The following ZCWPW2 variants were observed in gnomAD, a reference collection of about 807,000 sequenced individuals.
ZCWPW2 encodes zinc finger CW-type PWWP domain protein 2.
In ZCWPW2, 45 loss-of-function variants were observed where a neutral mutation model predicts 46.6. That is an observed-to-expected ratio of 0.96 (90% CI 0.76 to 1.24). The LOEUF (loss-of-function observed/expected upper bound fraction) is 1.24. Among genes scored for constraint, ZCWPW2 ranks in the 50% most tolerant of loss-of-function variants. The pLI is 0.00. For missense variants in ZCWPW2, 429 were observed against 403.9 expected, an observed-to-expected ratio of 1.06 and a Z score of -0.53; for synonymous variants, 152 against 137.1, an observed-to-expected ratio of 1.11 and a Z score of -0.76.
At chr3:28,463,722 T>C (rs1237789791) in intron 4 of ZCWPW2, among the ~76,000 whole-genome samples, 1 of 152,004 alleles carries the variant, frequency 6.6e-6, no homozygotes. Flanking sequence ...ATGCTTGTAG[T>C]CCTAGTTACT....
chr3:28,401,359 T>A (rs2125728411), intron 2 of ZCWPW2, among the ~76,000 whole-genome samples: 1 of 152,244 alleles, frequency 6.6e-6, no homozygotes, highest in Middle Eastern at 3.4e-3. Context: ...CAGCCAACTA[T>A]CTGCTGACTT....
intron 1 of ZCWPW2, among the ~76,000 whole-genome samples, chr3:28,353,141 A>C (rs1205100665): frequency 6.6e-6 from 1 of 151,868 alleles, no homozygotes; most frequent in Non-Finnish European, 1.5e-5. Flanking sequence ...CTGAGATTGC[A>C]CCACTGCACT....
intron 1 of ZCWPW2, among the ~76,000 whole-genome samples, chr3:28,358,322 C>G (rs1341128857): frequency 6.6e-6 from 1 of 152,086 alleles, no homozygotes; most frequent in African/African-American, 2.4e-5. Flanking sequence ...TCCACCAGCT[C>G]TTATAAATAC....
chr3:28,495,100 A>T (rs1028934254), intron 6 of ZCWPW2, among the ~76,000 whole-genome samples: 3 of 151,784 alleles, frequency 2.0e-5, no homozygotes, highest in Non-Finnish European at 1.5e-5. Context: ...TATGGAACCA[A>T]AAAAGAGCCC....
At chr3:28,352,167 C>CACACACGA (rs143184926) in intron 1 of ZCWPW2, among the ~76,000 whole-genome samples, 34 of 147,714 alleles carry the variant, frequency 2.3e-4, no homozygotes, top group African/African-American at 3.3e-4. Context: ...CACACACACA[C>CACACACGA]GAGAGAGAAT....
At chr3:28,395,813 T>C (rs898967454) in intron 2 of ZCWPW2, among the ~76,000 whole-genome samples, 6 of 152,128 alleles carry the variant, frequency 3.9e-5, no homozygotes, top group Non-Finnish European at 8.8e-5. Context: ...CCTTAAGTTA[T>C]AGAGACCTAA....
intron 5 of ZCWPW2, among the ~76,000 whole-genome samples, chr3:28,489,348 A>G (rs1460307275): frequency 6.6e-6 from 1 of 152,046 alleles, no homozygotes; most frequent in East Asian, 1.9e-4. Context: ...TTTTAAAGAT[A>G]CAACAAAACT....
At chr3:28,349,786 A>G (rs1268382600) in intron 1 of ZCWPW2, among the ~76,000 whole-genome samples, 2 of 152,222 alleles carry the variant, frequency 1.3e-5, no homozygotes, top group African/African-American at 4.8e-5. Flanking sequence ...CCGATTAGCA[A>G]TACGGACATT....
intron 1 of ZCWPW2, among the ~76,000 whole-genome samples, chr3:28,373,112 A>C (rs537524918): frequency 1.3e-5 from 2 of 152,324 alleles, no homozygotes; most frequent in African/African-American, 2.4e-5. Flanking sequence ...ATAGTGCTAC[A>C]ATAAACAGGA....
intron 9 of ZCWPW2, among the ~76,000 whole-genome samples, chr3:28,521,611 T>C (rs764701391): frequency 6.6e-6 from 1 of 152,256 alleles, no homozygotes; most frequent in Admixed American, 6.5e-5. Flanking sequence ...CCTCCTTTTT[T>C]AATTTTTTCA....
At chr3:28,472,114 T>C (rs1559518655) in intron 4 of ZCWPW2, among the ~76,000 whole-genome samples, 1 of 152,120 alleles carries the variant, frequency 6.6e-6, no homozygotes, top group Non-Finnish European at 1.5e-5. Flanking sequence ...GTTTATGGAT[T>C]GTAAGAATCA....
rs898124301 is a variant in ZCWPW2 at position 28,391,379 on chromosome 3, GCA to G, written c.-14+781_-14+782del. 4.1e-4 allele frequency among the ~76,000 whole-genome samples: 36 copies of G among 88,586 alleles called. 1 individual carries two copies. The highest frequency in any genetic ancestry group is 1.6e-3 in the Admixed American group (14 of 8,760). 58.1% of individuals were successfully genotyped at this position (88,586 alleles called of 152,430 possible). On this transcript the variant is annotated intron_variant, in intron 2 of 9. Transcript: ENST00000383768. ...CACACACACACACACACACACACAT[GCA>G]CACACACACACACACACAAAGCCAA...
At chr3:28,416,951 C>T (rs567925423) in intron 3 of ZCWPW2, among the ~76,000 whole-genome samples, 281 of 147,896 alleles carry the variant, frequency 1.9e-3, no homozygotes, top group African/African-American at 6.6e-3. Context: ...CATCGATGTT[C>T]ATCAAGGATA....
intron 3 of ZCWPW2, among the ~76,000 whole-genome samples, chr3:28,433,920 T>G (rs1363818913): frequency 6.6e-6 from 1 of 150,900 alleles, no homozygotes; most frequent in African/African-American, 2.4e-5. Context: ...CACCCCAGTT[T>G]TTTTTTTTTT....
chr3:28,406,700 T>G (rs1039472889), intron 2 of ZCWPW2, among the ~76,000 whole-genome samples: 6 of 152,194 alleles, frequency 3.9e-5, no homozygotes, highest in African/African-American at 1.4e-4. Context: ...AAGACTCTTC[T>G]GAGGTTTTTC....
intron 4 of ZCWPW2, among the ~76,000 whole-genome samples, chr3:28,475,187 C>T (rs1298909488): frequency 6.6e-6 from 1 of 151,972 alleles, no homozygotes; most frequent in East Asian, 1.9e-4. Context: ...TTGACAGACT[C>T]TTCATCTCAG....
intron 4 of ZCWPW2, among the ~76,000 whole-genome samples, chr3:28,439,099 A>G (rs1472542492): frequency 6.7e-6 from 1 of 148,460 alleles, no homozygotes; most frequent in Non-Finnish European, 1.5e-5. Context: ...ACATATATAC[A>G]CACACACACA....
intron 5 of ZCWPW2, among the ~76,000 whole-genome samples, chr3:28,481,393 G>A (rs993595689): frequency 2.6e-5 from 4 of 151,922 alleles, no homozygotes; most frequent in Non-Finnish European, 2.9e-5. Flanking sequence ...ACAGGTGCCC[G>A]CCACCACGCC....
chr3:28,371,087 C>T (rs1705319118), intron 1 of ZCWPW2, among the ~76,000 whole-genome samples: 1 of 152,052 alleles, frequency 6.6e-6, no homozygotes, highest in African/African-American at 2.4e-5. Context: ...AAACATCAAA[C>T]ATTCTTAGGT....
Sources: gnomAD v4.1 joint callset for allele counts (sites outside exome capture counted in the v4.1 genomes callset) on GRCh38, gnomAD v4.1.1 for gene constraint, MANE v1.5 for transcripts, NCBI Gene and HGNC (gene_info 2026-07-23, HGNC 2026-07-21) for gene names.